Variants in NSD1 observed in about 807,000 individuals in gnomAD.
NSD1 encodes the protein histone-lysine N-methyltransferase, H3 lysine-36 specific.
Under a neutral mutation model 242.7 loss-of-function variants are expected in NSD1, and 26 were observed. That is an observed-to-expected ratio of 0.11 (90% CI 0.08 to 0.15). The LOEUF is 0.15. Among genes scored for constraint, NSD1 ranks in the 10% least tolerant of loss-of-function variants. The pLI is 1.00. For synonymous variants in NSD1, 1,106 were observed against 1,178.1 expected (o/e 0.94, Z 1.25); for missense variants, 2,495 against 3,272.8 (o/e 0.76, Z 5.80).
intron 5 of NSD1, among the ~76,000 whole-genome samples, chr5:177,215,372 C>T (rs963638865): frequency 6.6e-6 from 1 of 151,732 alleles, no homozygotes; most frequent in South Asian, 2.1e-4. Flanking sequence ...GATGGGGTTT[C>T]ACCATGTTGG....
chr5:177,259,416 C>T (rs1047148247), intron 13 of NSD1, among the ~76,000 whole-genome samples: 1 of 152,166 alleles, frequency 6.6e-6, no homozygotes. Flanking sequence ...AGCACACAGA[C>T]TTTGAGGTCA....
At chr5:177,280,856 A>G (rs762821963) in intron 18 of NSD1, 22 bp downstream of exon 18, 5 of 1,613,182 alleles carry the variant, frequency 3.1e-6, no homozygotes, top group African/African-American at 1.3e-5. Context: ...CTAAATTACC[A>G]TATACTTTCT....
intron 22 of NSD1, among the ~76,000 whole-genome samples, chr5:177,293,602 A>G (rs992102396): frequency 8.1e-6 from 1 of 123,210 alleles, no homozygotes; most frequent in African/African-American, 3.1e-5. Flanking sequence ...TTGTATATTT[A>G]GTTGATAGTA....
chr5:177,171,446 T>C (rs918214434), intron 2 of NSD1, among the ~76,000 whole-genome samples: 1 of 152,230 alleles, frequency 6.6e-6, no homozygotes, highest in African/African-American at 2.4e-5. Context: ...TTATATAATA[T>C]GTAGACTTTT....
intron 5 of NSD1, among the ~76,000 whole-genome samples, chr5:177,217,666 C>CTTT (rs543853335): frequency 5.6e-5 from 6 of 106,258 alleles, no homozygotes; most frequent in African/African-American, 1.7e-4. Flanking sequence ...GCGTCACATT[C>CTTT]TTTTTTTTTT....
At chr5:177,190,132 A>T (rs534907005) in intron 2 of NSD1, among the ~76,000 whole-genome samples, 1 of 151,744 alleles carries the variant, frequency 6.6e-6, no homozygotes, top group African/African-American at 2.4e-5. Flanking sequence ...AATTTTTTAA[A>T]TTTTTTGTAG....
intron 14 of NSD1, chr5:177,265,748 C>A (rs1757379068): frequency 1.3e-6 from 2 of 1,543,512 alleles, no homozygotes; most frequent in African/African-American, 2.7e-5. Context: ...CGTCTGCTTC[C>A]AGTGCGTGTA....
intron 5 of NSD1, among the ~76,000 whole-genome samples, chr5:177,222,983 T>C: frequency 6.6e-6 from 1 of 152,190 alleles, no homozygotes. Context: ...TTTGATGCAT[T>C]TTGAATTATT....
intron 21 of NSD1, among the ~76,000 whole-genome samples, chr5:177,289,375 C>G (rs894368240): frequency 3.9e-5 from 6 of 151,974 alleles, no homozygotes; most frequent in African/African-American, 1.4e-4. Flanking sequence ...GGGCCACTTG[C>G]AATTCACTAA....
At chr5:177,193,477 A>G (rs369512484) in intron 3 of NSD1, among the ~76,000 whole-genome samples, 1 of 151,948 alleles carries the variant, frequency 6.6e-6, no homozygotes, top group African/African-American at 2.4e-5. Flanking sequence ...GGGTTTCACC[A>G]TGTTGGCCAG....
chr5:177,244,243 A>C lies in NSD1; in HGVS notation c.4351A>C (p.Thr1451Pro). 1 of 1,613,594 alleles carries C rather than the reference A, an allele frequency of 6.2e-7. No homozygotes were observed. The highest frequency in any genetic ancestry group is 8.5e-7 in the Non-Finnish European group (1 of 1,179,632). ...LENGITESCA[T>P]SYSKDFGGGT... is the part of the protein sequence containing the mutation. ...GAATGGCATAACTGAATCTTGTGCC[A>C]CATCTTATTCAAAAGATTTTGGTGG... Residue 1451 changes from threonine to proline, a missense_variant, in exon 9 of 23, where the codon ACA (threonine) becomes CCA (proline). Around this residue, in one of 19 missense-constraint regions of NSD1, gnomAD observed 100 missense variants for 190.7 expected, o/e 0.52. Transcript: ENST00000439151.
In NSD1 at chr5:177,297,622, A is replaced by G. The variant is rs1760331864; in HGVS notation, c.*2163A>G. 4.4e-5 allele frequency: 6 copies of G among 137,112 alleles called. No homozygotes were observed. In the Admixed American group the frequency reaches 6.8e-4, roughly 16 times the overall value. 8.5% of individuals were successfully genotyped at this position (137,112 alleles called of 1,614,324 possible). Reference sequence around the variant, plus strand: ...CTTTCACTATGTTGTGTGTTAAATTACCGTAGCTCTTTGTTTCATGAAATA... The same window carrying G: ...CTTTCACTATGTTGTGTGTTAAATTGCCGTAGCTCTTTGTTTCATGAAATA... On this transcript the variant is annotated 3_prime_UTR_variant, in exon 23 of 23. Transcript: ENST00000439151.
chr5:177,192,928 G>A (rs1036685206), intron 3 of NSD1, among the ~76,000 whole-genome samples: 2 of 152,104 alleles, frequency 1.3e-5, no homozygotes, highest in African/African-American at 4.8e-5. Flanking sequence ...GTATATTTAC[G>A]TATTTCTACT....
At chr5:177,199,565 A>C (rs1762354373) in intron 3 of NSD1, among the ~76,000 whole-genome samples, 1 of 141,552 alleles carries the variant, frequency 7.1e-6, no homozygotes. Flanking sequence ...GCCAGCCTTC[A>C]TATTCAACTT....
chr5:177,157,751 C>T (rs1158965014), intron 2 of NSD1, among the ~76,000 whole-genome samples: 2 of 152,204 alleles, frequency 1.3e-5, no homozygotes, highest in Non-Finnish European at 2.9e-5. Flanking sequence ...CCATTCCCAG[C>T]AGTCATTTCC....
intron 11 of NSD1, among the ~76,000 whole-genome samples, chr5:177,251,219 A>G (rs1041732985): frequency 1.3e-5 from 2 of 151,962 alleles, no homozygotes; most frequent in Admixed American, 1.3e-4. Context: ...TAAATCTTAC[A>G]ATGTTTTATA....
intron 5 of NSD1, among the ~76,000 whole-genome samples, chr5:177,233,011 T>G (rs777706978): frequency 6.6e-6 from 1 of 152,212 alleles, no homozygotes; most frequent in Non-Finnish European, 1.5e-5. Flanking sequence ...CATGTGTAAG[T>G]GTAAACTTGC....
intron 17 of NSD1, among the ~76,000 whole-genome samples, chr5:177,275,363 G>T (rs375326950): frequency 6.7e-6 from 1 of 148,796 alleles, no homozygotes; most frequent in African/African-American, 2.5e-5. Flanking sequence ...GGGTAATGCC[G>T]TAAGAAATCT....
intron 14 of NSD1, among the ~76,000 whole-genome samples, chr5:177,260,788 GA>G (rs547794452): frequency 0.019 from 2,876 of 148,710 alleles, 90 homozygotes; most frequent in African/African-American, 0.064. Context: ...CTCACCATCA[GA>G]AAAAAAAAAT....
Sources: allele counts gnomAD v4.1 joint callset (sites outside exome capture counted in the v4.1 genomes callset), GRCh38; gene constraint gnomAD v4.1.1; regional missense constraint gnomAD v4.1.1; transcripts MANE v1.5; gene names NCBI Gene and HGNC (gene_info 2026-07-23, HGNC 2026-07-21).